The following HSPBP1 variants were observed in gnomAD, a reference collection of about 807,000 sequenced individuals.
HSPBP1 encodes the protein hsp70-binding protein 1.
In HSPBP1, 31 loss-of-function variants were observed where a neutral mutation model predicts 41.7. That is an observed-to-expected ratio of 0.74 (90% confidence interval 0.56 to 1.00). The LOEUF is 1.00. Among genes scored for constraint, HSPBP1 ranks in the 50% least tolerant of loss-of-function variants. The probability of loss-of-function intolerance (pLI) is 0.00; values close to 1 mark genes in which losing one functional copy is unlikely to be tolerated. For missense variants in HSPBP1, 439 were observed against 487.9 expected (o/e 0.90, Z 0.94); for synonymous variants, 199 against 214.4 (o/e 0.93, Z 0.63).
rs114632847 is a variant in HSPBP1 at position 55,276,288 on chromosome 19, G to A, written c.415+1354C>T. 6.4e-3 allele frequency among the ~76,000 whole-genome samples: 979 copies of A among 152,124 alleles called. 6 individuals are homozygous for A. Among genetic ancestry groups the A allele is most frequent in the African/African-American group, 0.022 (928 of 41,492 alleles). ...GTGGTTGCCAGGGGACCGGGGGAGGGCCGGCCTAATGGGTGCTGGGTCTCC... is the reference window on the plus strand; with the variant it reads ...GTGGTTGCCAGGGGACCGGGGGAGGACCGGCCTAATGGGTGCTGGGTCTCC... On this transcript the variant is annotated intron_variant, in intron 3 of 7. Coordinates refer to ENST00000433386, the MANE Select transcript of HSPBP1 (RefSeq NM_012267.5).
chr19:55,279,730 G>A, intron 1 of HSPBP1, 28 bp from the exon 2 acceptor site: 1 of 1,534,926 alleles, frequency 6.5e-7, no homozygotes, highest in Non-Finnish European at 8.7e-7. Context: ...TTTCAGGGGA[G>A]CTCGGCGACC....
intron 4 of HSPBP1, among the ~76,000 whole-genome samples, chr19:55,273,242 G>A (rs1005458966): frequency 2.0e-5 from 3 of 152,038 alleles, no homozygotes; most frequent in Admixed American, 1.3e-4. Context: ...CTCCCGCCTC[G>A]GCCTCCCAAA....
At chr19:55,276,125 A>G (rs1339999107) in intron 3 of HSPBP1, among the ~76,000 whole-genome samples, 1 of 151,218 alleles carries the variant, frequency 6.6e-6, no homozygotes, top group Non-Finnish European at 1.5e-5. Context: ...AAAAAAAAAA[A>G]AGGAATAAAG....
At position 55,265,760 on chromosome 19, in the gene HSPBP1, C is replaced by G. The variant is rs1440365648; in HGVS notation, c.893+126G>C. ...CCTGACTCCTGCTCCTTTCTGGCCC[C>G]ACACCCTTCCTCTCTACGGGAAGGT... On this transcript the variant is annotated intron_variant, in intron 6 of 7. Transcript: ENST00000433386. 5 of 646,476 alleles carry G rather than the reference C, an allele frequency of 7.7e-6. No individual in the cohort carries two copies. The East Asian group carries it at 1.4e-4, about 18-fold the overall frequency. 40.0% of individuals were successfully genotyped at this position (646,476 alleles called of 1,614,324 possible).
rs185600824 is a variant in HSPBP1 at position 55,267,962 on chromosome 19, G to C, written c.641-1676C>G. Among the ~76,000 whole-genome samples, 3 of 152,350 alleles carry C rather than the reference G, an allele frequency of 2.0e-5. No homozygotes were observed. In the East Asian group the frequency reaches 5.8e-4, roughly 29 times the overall value. On this transcript the variant is annotated intron_variant, in intron 4 of 7. Coordinates refer to ENST00000433386, the MANE Select transcript of HSPBP1 (RefSeq NM_012267.5). ...CACCTCCAGTAAGGTGCCCCCTCCT[G>C]GGTAGGCTCTAGGCCTGTGCTGGCC... is the stretch of plus-strand genomic sequence containing the variant.
In HSPBP1 at chr19:55,262,586, G is replaced by T; in HGVS notation, c.*22C>A. The T allele has an allele frequency of 6.2e-7, 1 of 1,612,788 alleles. No individual in the cohort carries two copies. The highest frequency in any genetic ancestry group is 1.1e-5 in the South Asian group (1 of 90,752). On this transcript the variant is annotated 3_prime_UTR_variant, in exon 8 of 8. Coordinates refer to ENST00000433386, the MANE Select transcript of HSPBP1 (RefSeq NM_012267.5). ...AGAGGCCTGGGGTTCCCACGGAGAA[G>T]GGGGCAAGAAGCCACCTGGTTTCAC...
chr19:55,276,589 C>T (rs2088078680), intron 3 of HSPBP1, among the ~76,000 whole-genome samples: 1 of 152,304 alleles, frequency 6.6e-6, no homozygotes, highest in African/African-American at 2.4e-5. Context: ...GATGATTGGA[C>T]ACTCAGCACA....
chr19:55,266,926 C>T (rs2087804235), intron 4 of HSPBP1, among the ~76,000 whole-genome samples: 1 of 152,148 alleles, frequency 6.6e-6, no homozygotes, highest in Non-Finnish European at 1.5e-5. Context: ...ATTTACCTGT[C>T]CCAGACATTT....
At position 55,274,474 on chromosome 19, in the gene HSPBP1, G is replaced by C; in HGVS notation, c.564C>G (p.Ala188=). ...AIQEQVLGLG[A]LRKLLRLLDR... ...CCAGCAGCCGCAGCAGCTTACGCAG[G>C]GCACCCAGGCCCAGCACCTGCTCCT... The change falls in exon 4 of 8, where the codon GCC becomes GCG. Residue 188 remains alanine (A), a synonymous_variant. Coordinates refer to ENST00000433386, the MANE Select transcript of HSPBP1 (RefSeq NM_012267.5). 1 of 1,589,938 alleles carries C rather than the reference G, an allele frequency of 6.3e-7. No homozygotes were observed. The highest frequency in any genetic ancestry group is 8.5e-7 in the Non-Finnish European group (1 of 1,171,324).
At position 55,270,019 on chromosome 19, in the gene HSPBP1, A is replaced by G. The variant is rs908780724; in HGVS notation, c.641-3733T>C. Among the ~76,000 whole-genome samples, 1 of 152,166 alleles carries G rather than the reference A, an allele frequency of 6.6e-6. No individual in the cohort carries two copies. Among genetic ancestry groups the G allele is most frequent in the African/African-American group, 2.4e-5 (1 of 41,424 alleles). ...TGGCACCACCGCCTCGGGCAGCAGG[A>G]GCTGAGGGGACGTACCCTGCAAATG... is the stretch of plus-strand genomic sequence containing the variant. On this transcript the variant is annotated intron_variant, in intron 4 of 7. Transcript: ENST00000433386. This position sits in a 1 kb window ranked among gnomAD's most constrained non-coding sequence, Gnocchi z 5.4.
rs2088107759 is a variant in HSPBP1 at position 55,277,637 on chromosome 19, G to A, written c.415+5C>T. Reference sequence around the variant, plus strand: ...CAGAACGTCCTGGCGGGGGAAGCGGGGTACCTGCGGCATTGTCCATGTTCT... The same window carrying A: ...CAGAACGTCCTGGCGGGGGAAGCGGAGTACCTGCGGCATTGTCCATGTTCT... On this transcript the variant is annotated splice_donor_5th_base_variant and intron_variant, in intron 3 of 7. Transcript: ENST00000433386. 1 of 1,602,426 alleles carries A rather than the reference G, an allele frequency of 6.2e-7. No homozygotes were observed. Among genetic ancestry groups the A allele is most frequent in the Admixed American group, 1.7e-5 (1 of 58,394 alleles).
At chr19:55,279,357 C>T in intron 2 of HSPBP1, 42 bp downstream of exon 2, 1 of 1,539,296 alleles carries the variant, frequency 6.5e-7, no homozygotes, top group South Asian at 1.2e-5. Context: ...TCTATCTGTC[C>T]CCAGGCCCCT....
chr19:55,266,979 C>G (rs1219009035), intron 4 of HSPBP1, among the ~76,000 whole-genome samples: 1 of 152,178 alleles, frequency 6.6e-6, no homozygotes, highest in Non-Finnish European at 1.5e-5. Context: ...TTGTGTCTGA[C>G]TGCTTTCACT....
At chr19:55,273,748 C>T (rs2122860415) in intron 4 of HSPBP1, among the ~76,000 whole-genome samples, 1 of 152,198 alleles carries the variant, frequency 6.6e-6, no homozygotes, top group Non-Finnish European at 1.5e-5. Flanking sequence ...AATGAGGATG[C>T]AAACGGTCCC....
chr19:55,265,852 C>A (rs1316244093), intron 6 of HSPBP1, 34 bp downstream of exon 6: 1 of 1,517,316 alleles, frequency 6.6e-7, no homozygotes, highest in Non-Finnish European at 8.9e-7. Context: ...GGGGCCCCCA[C>A]CCCAGGCCCC....
At chr19:55,273,883 T>A (rs2122861113) in intron 4 of HSPBP1, among the ~76,000 whole-genome samples, 1 of 151,590 alleles carries the variant, frequency 6.6e-6, no homozygotes, top group Admixed American at 6.6e-5. Context: ...AAGACTAGCC[T>A]GGGTAGCAAA....
intron 4 of HSPBP1, among the ~76,000 whole-genome samples, chr19:55,267,468 T>TC: frequency 1.4e-5 from 2 of 146,156 alleles, no homozygotes; most frequent in East Asian, 3.9e-4. Flanking sequence ...CTCTCTCTTT[T>TC]TTTTTTTTTT....
rs544464070 is a variant in HSPBP1, at chr19:55,268,145, C to T, written c.641-1859G>A. Among the ~76,000 whole-genome samples, 3 of 152,068 alleles carry T rather than the reference C, an allele frequency of 2.0e-5. No homozygotes were observed. The highest frequency in any genetic ancestry group is 4.8e-5 in the African/African-American group (2 of 41,414). ...GTAAAATATTTTCCATTAAACACAA[C>T]GTTGGCTGGGCGCGGTGGCTCATGC... On this transcript the variant is annotated intron_variant, in intron 4 of 7. Transcript: ENST00000433386. The surrounding 1 kb of genome is among the most constrained non-coding windows in gnomAD (Gnocchi z 4.5).
In HSPBP1 at chr19:55,279,518, A is replaced by AGCCGCCGCCGCCGCCGCC. The variant is rs3040014; in HGVS notation, c.90_91insGGCGGCGGCGGCGGCGGC (p.Gly25_Gly30dup). ...GAATTGCCCGAGCCCCCAGCCGAGG[A>AGCCGCCGCCGCCGCCGCC]GCCGCCGCCGCCGCCCCCTGAAGAG... On this transcript the variant is annotated inframe_insertion, in exon 2 of 8. Coordinates refer to ENST00000433386, the MANE Select transcript of HSPBP1 (RefSeq NM_012267.5). The AGCCGCCGCCGCCGCCGCC allele has an allele frequency of 7.7e-5, 123 of 1,597,976 alleles. No individual in the cohort carries two copies. The highest frequency in any genetic ancestry group is 2.2e-4 in the Admixed American group (13 of 57,848).
Sources: gnomAD v4.1 joint callset for allele counts (sites outside exome capture counted in the v4.1 genomes callset) on GRCh38, gnomAD v4.1.1 for gene constraint, Gnocchi (gnomAD v3.1) non-coding constraint, MANE v1.5 for transcripts, NCBI Gene and HGNC (gene_info 2026-07-23, HGNC 2026-07-21) for gene names.